Variants in XIRP1 observed in about 807,000 individuals in gnomAD.
The protein encoded by XIRP1 is xin actin-binding repeat-containing protein 1.
For synonymous variants in XIRP1, 984 were observed against 947.0 expected, an observed-to-expected ratio of 1.04 and a Z score of -0.72; for missense variants, 2,378 against 2,345.4, an observed-to-expected ratio of 1.01 and a Z score of -0.29.
In XIRP1 at chr3:39,187,924, C is replaced by T. The variant is rs746485536; in HGVS notation, c.1522G>A (p.Asp508Asn). The T allele has an allele frequency of 6.2e-7, 1 of 1,614,226 alleles. No individual in the cohort carries two copies. The highest frequency in any genetic ancestry group is 1.7e-5 in the Admixed American group (1 of 60,032). The change falls in exon 2 of 2, where the codon GAT becomes AAT. Residue 508 changes from aspartate (D) to asparagine (N), a missense_variant. Asp to Asn is a conservative substitution (Grantham distance 23, BLOSUM62 1). Transcript: ENST00000340369. Reference protein sequence around the residue: ...SVSREQIVGGDVQGYRWMFET... With the variant: ...SVSREQIVGGNVQGYRWMFET... ...AACATCCACCTGTAGCCCTGCACAT[C>T]ACCTCCGACTATCTGCTCTCTGCTA...
chr3:39,187,839 C>T lies in XIRP1; in HGVS notation c.1607G>A (p.Gly536Asp). The T allele has an allele frequency of 1.2e-6, 2 of 1,614,132 alleles. No individual in the cohort carries two copies. Among genetic ancestry groups the T allele is most frequent in the Non-Finnish European group, 1.7e-6 (2 of 1,180,034 alleles). Residue 536 changes from glycine (G) to aspartate (D), a missense_variant, in exon 2 of 2, where the codon GGC becomes GAC. Coordinates refer to ENST00000340369, the MANE Select transcript of XIRP1 (RefSeq NM_194293.4). ...AGCCACCACTTCCTGCCGGGTGATG[C>T]CCCGCACCACGTCGATGGTACTGGG... ...RSPSTIDVVR[G>D]ITRQEVVAGD... is the part of the protein sequence containing the mutation.
chr3:39,190,949 A>C (rs2040078444), intron 1 of XIRP1, among the ~76,000 whole-genome samples: 1 of 152,070 alleles, frequency 6.6e-6, no homozygotes, highest in Non-Finnish European at 1.5e-5. Flanking sequence ...GGGCTCCCCT[A>C]TCCTGCCTCC....
chr3:39,184,725 A>G lies in XIRP1; in HGVS notation c.4721T>C (p.Phe1574Ser). The change falls in exon 2 of 2, where the codon TTC becomes TCC. Residue 1574 changes from phenylalanine (F) to serine (S), a missense_variant. Coordinates refer to ENST00000340369, the MANE Select transcript of XIRP1 (RefSeq NM_194293.4). ...LQPEASARGH[F>S]QGPPKDHSAH... ...ACTGTGGTCTTTTGGAGGTCCCTGGAAATGGCCTCTGGCACTGGCCTCAGG... is the reference window on the plus strand; with the variant it reads ...ACTGTGGTCTTTTGGAGGTCCCTGGGAATGGCCTCTGGCACTGGCCTCAGG... 3 of 1,614,232 alleles carry G rather than the reference A, an allele frequency of 1.9e-6. No homozygotes were observed. Among genetic ancestry groups the G allele is most frequent in the Non-Finnish European group, 2.5e-6 (3 of 1,180,044 alleles).
Position 39,189,156 on chromosome 3 carries a change from A to T in XIRP1, c.290T>A (p.Ile97Asn), listed in dbSNP as rs761124649. 3.1e-6 allele frequency: 5 copies of T among 1,614,054 alleles called. No individual in the cohort carries two copies. The East Asian group carries it at 1.1e-4, about 36-fold the overall frequency. The stretch of plus-strand genomic sequence containing the variant: ...GGCATCCAGTCTCCAGTTCTCAAAG[A>T]TCCAGCGCATGCACTGAACGTCACC... ...TEGDVQCMRW[I>N]FENWRLDAIG... Residue 97 changes from isoleucine (I) to asparagine (N), a missense_variant, in exon 2 of 2, where the codon ATC (isoleucine) becomes AAC (asparagine). Transcript: ENST00000340369.
In XIRP1 at chr3:39,183,635, T is replaced by A. The variant is rs1028597418; in HGVS notation, c.*279A>T. ...GCCAGGCCTGTGTGAAAAACATGTGTGTGTCTGTATATATTACATCCTCCA... is the reference window on the plus strand; with the variant it reads ...GCCAGGCCTGTGTGAAAAACATGTGAGTGTCTGTATATATTACATCCTCCA... On this transcript the variant is annotated 3_prime_UTR_variant, in exon 2 of 2. Transcript: ENST00000340369. 1 of 452,712 alleles carries A rather than the reference T, an allele frequency of 2.2e-6. No individual in the cohort carries two copies. The highest frequency in any genetic ancestry group is 2.0e-5 in the African/African-American group (1 of 49,706). 28.0% of individuals were successfully genotyped at this position (452,712 alleles called of 1,614,324 possible).
At position 39,187,699 on chromosome 3, in the gene XIRP1, G is replaced by T. The variant is rs1009065967; in HGVS notation, c.1747C>A (p.Pro583Thr). ...ACATCGCCCTTTGGGGGTGCCTCAG[G>T]CTGGGGGTCTCCCTGACTCTTCCCT... Reference protein sequence around the residue: ...EEGKSQGDPQPEAPPKGDVQT... With the variant: ...EEGKSQGDPQTEAPPKGDVQT... Residue 583 changes from proline (P) to threonine (T), a missense_variant, in exon 2 of 2, where the codon CCT becomes ACT. Pro to Thr is a conservative substitution (Grantham distance 38, BLOSUM62 -1). Transcript: ENST00000340369. 19 of 1,613,926 alleles carry T rather than the reference G, an allele frequency of 1.2e-5. No homozygotes were observed. The highest frequency in any genetic ancestry group is 1.4e-5 in the Non-Finnish European group (17 of 1,180,050).
In XIRP1 at chr3:39,188,256, A is replaced by T; in HGVS notation, c.1190T>A (p.Val397Asp). 1 of 1,613,940 alleles carries T rather than the reference A, an allele frequency of 6.2e-7. No homozygotes were observed. Among genetic ancestry groups the T allele is most frequent in the South Asian group, 1.1e-5 (1 of 91,068 alleles). ...CACTCGCTGTAGGTGACCCACTTGG[A>T]CCTTGTCTCTGAAAGCATCCAGGGG... ...TKPLDAFRDK[V>D]QVGHLQRVDP... The change falls in exon 2 of 2, where the codon GTC becomes GAC. Residue 397 changes from valine (V) to aspartate (D), a missense_variant. Transcript: ENST00000340369.
rs773443261 is a variant in XIRP1, at chr3:39,186,938, G to A, written c.2508C>T (p.Arg836=). 4 of 1,613,354 alleles carry A rather than the reference G, an allele frequency of 2.5e-6. No individual in the cohort carries two copies. The South Asian group carries it at 3.3e-5, about 13-fold the overall frequency. ...ELPRIICQVL[R]RPDVDQQGLL... is the part of the protein sequence containing the mutation. ...GCCCCTGCTGGTCCACATCTGGCCG[G>A]CGCAGGACTTGGCAGATGATCCTGG... is the stretch of plus-strand genomic sequence containing the variant. Residue 836 remains arginine (R), a synonymous_variant, in exon 2 of 2, where the codon CGC becomes CGT. Transcript: ENST00000340369.
rs145488377 is a variant in XIRP1 at position 39,186,993 on chromosome 3, C to T, written c.2453G>A (p.Arg818Gln). The T allele has an allele frequency of 1.2e-4, 195 of 1,604,244 alleles. No homozygotes were observed. The highest frequency in any genetic ancestry group is 2.7e-4 in the East Asian group (12 of 44,514). The change falls in exon 2 of 2, where the codon CGA becomes CAA. Residue 818 changes from arginine to glutamine, a missense_variant. By Grantham distance (43) the Arg-to-Gln change is conservative. Transcript: ENST00000340369. ...TTCACCTGACACCAGCTCCTCCTTT[C>T]GTATATAAGGGTGCCCCTGCCCTGT... is the stretch of plus-strand genomic sequence containing the variant. ...SGTGQGHPYI[R>Q]KEELVSGELP...
rs1293337352 is a variant in XIRP1, at chr3:39,184,527, G to A, written c.4919C>T (p.Thr1640Ile). The change falls in exon 2 of 2, where the codon ACT becomes ATT. Residue 1640 changes from threonine to isoleucine, a missense_variant. By Grantham distance (89) the Thr-to-Ile change is moderately conservative. Transcript: ENST00000340369. ...CTCCTGCCTCCTGGTGGAAGGGGCA[G>A]TTGAGGCTGTGTGACCTCTGGCCTC... ...HTEARGHTAS[T>I]APSTRRQETS... 1 of 1,613,776 alleles carries A rather than the reference G, an allele frequency of 6.2e-7. No individual in the cohort carries two copies. The highest frequency in any genetic ancestry group is 1.1e-5 in the South Asian group (1 of 91,090).
In XIRP1 at chr3:39,188,324, G is replaced by C. The variant is rs145889819; in HGVS notation, c.1122C>G (p.Val374=). The change falls in exon 2 of 2, where the codon GTC becomes GTG. Residue 374 remains valine, a synonymous_variant. Transcript: ENST00000340369. Reference sequence around the variant, plus strand: ...ACAGGGTGGAGCGGACATCACCAGGGACCACTTCCTCCTTGGGTGGGGCCT... The same window carrying C: ...ACAGGGTGGAGCGGACATCACCAGGCACCACTTCCTCCTTGGGTGGGGCCT... The part of the protein sequence containing the change: ...GAEAPPKEEV[V]PGDVRSTLWL... The C allele has an allele frequency of 6.2e-7, 1 of 1,613,994 alleles. No individual in the cohort carries two copies. Among genetic ancestry groups the C allele is most frequent in the Non-Finnish European group, 8.5e-7 (1 of 1,180,032 alleles).
chr3:39,189,489 C>G lies in XIRP1; in HGVS notation c.-44G>C. The G allele has an allele frequency of 6.5e-7, 1 of 1,536,280 alleles. No homozygotes were observed. Among genetic ancestry groups the G allele is most frequent in the South Asian group, 1.3e-5 (1 of 77,976 alleles). ...CAGAGATGAGGATGGGATTGGGAGC[C>G]TTAGATCTAGATGTTCAGCAGGGTA... is the stretch of plus-strand genomic sequence containing the variant. On this transcript the variant is annotated 5_prime_UTR_variant, in exon 2 of 2. Coordinates refer to ENST00000340369, the MANE Select transcript of XIRP1 (RefSeq NM_194293.4).
At position 39,186,606 on chromosome 3, in the gene XIRP1, T is replaced by A. The variant is rs1373720946; in HGVS notation, c.2840A>T (p.Glu947Val). ...CACTGGACTCGGGTCAGCCGGGGGCTCCCACCGCAGACTGTGCAGGCCACT... is the reference window on the plus strand; with the variant it reads ...CACTGGACTCGGGTCAGCCGGGGGCACCCACCGCAGACTGTGCAGGCCACT... ...DLSGLHSLRWEPPADPSPVPA... is the reference protein window; with the variant it reads ...DLSGLHSLRWVPPADPSPVPA... Residue 947 changes from glutamate to valine, a missense_variant, in exon 2 of 2, where the codon GAG (glutamate) becomes GTG (valine). Coordinates refer to ENST00000340369, the MANE Select transcript of XIRP1 (RefSeq NM_194293.4). 3 of 1,578,564 alleles carry A rather than the reference T, an allele frequency of 1.9e-6. No individual in the cohort carries two copies. Among genetic ancestry groups the A allele is most frequent in the South Asian group, 1.1e-5 (1 of 87,176 alleles).
chr3:39,190,692 T>C (rs2040075503), intron 1 of XIRP1, among the ~76,000 whole-genome samples: 1 of 151,566 alleles, frequency 6.6e-6, no homozygotes, highest in Admixed American at 6.6e-5. Flanking sequence ...TTCTCTGGTC[T>C]CTGTCCATGT....
In XIRP1 at chr3:39,184,946, G is replaced by A. The variant is rs61742554; in HGVS notation, c.4500C>T (p.Ala1500=). The change falls in exon 2 of 2, where the codon GCC becomes GCT. Residue 1500 remains alanine (A), a synonymous_variant. Transcript: ENST00000340369. ...GAGCAGCCCCTCCCAGCTGGGGCAC[G>A]GCCTCAAAGAGCCTCCGCAGGGCCT... ...DVQALRRLFE[A]VPQLGGAAPQ... The A allele has an allele frequency of 9.4e-4, 1,468 of 1,558,992 alleles. 15 individuals are homozygous for A. In the African/African-American group the frequency reaches 0.017, roughly 18 times the overall value.
In XIRP1 at chr3:39,187,280, C is replaced by T. The variant is rs150133594; in HGVS notation, c.2166G>A (p.Ala722=). The change falls in exon 2 of 2, where the codon GCG becomes GCA. Residue 722 remains alanine, a synonymous_variant. Transcript: ENST00000340369. ...GCCAAGTGAACTTGTGGACAGAACCCGCGGGGATGGACCCAGCGATTACCC... is the reference window on the plus strand; with the variant it reads ...GCCAAGTGAACTTGTGGACAGAACCTGCGGGGATGGACCCAGCGATTACCC... The part of the protein sequence containing the change: ...EPRVIAGSIP[A]GSVHKFTWLF... 2.5e-6 allele frequency: 4 copies of T among 1,586,406 alleles called. No individual in the cohort carries two copies. Among genetic ancestry groups the T allele is most frequent in the Middle Eastern group, 1.7e-4 (1 of 5,946 alleles).
chr3:39,186,217 T>TG lies in XIRP1; in HGVS notation c.3228dup (p.Lys1077GlnfsTer34). 4 of 1,613,908 alleles carry TG rather than the reference T, an allele frequency of 2.5e-6. No homozygotes were observed. The highest frequency in any genetic ancestry group is 3.4e-6 in the Non-Finnish European group (4 of 1,179,930). ...GTGGCTGTTGGGGTGGGGCCCTGCT[T>TG]GTGCTTGTTCAGAACTTGCTGGTGC... is the stretch of plus-strand genomic sequence containing the variant. On this transcript the variant is annotated frameshift_variant, in exon 2 of 2. Transcript: ENST00000340369. LOFTEE classifies it low-confidence loss of function (END_TRUNC).
rs756963749 is a variant in XIRP1, at chr3:39,185,118, C to T, written c.4328G>A (p.Gly1443Asp). The T allele has an allele frequency of 5.4e-5, 84 of 1,560,064 alleles. No homozygotes were observed. The highest frequency in any genetic ancestry group is 6.8e-5 in the Non-Finnish European group (78 of 1,155,176). ...TTCCATGGGCTGCTCTCCTGAGGGG[C>T]CGGGGCCCCACTGTGGTGAGGTGGG... ...HDPTSPQWGP[G>D]PSGEQPMEGS... The change falls in exon 2 of 2, where the codon GGC (glycine) becomes GAC (aspartate). Residue 1443 changes from glycine to aspartate, a missense_variant. Gly to Asp is a moderately conservative substitution (Grantham distance 94). Transcript: ENST00000340369.
rs1213015266 is a variant in XIRP1 at position 39,186,201 on chromosome 3, G to A, written c.3245C>T (p.Pro1082Leu). 2 of 1,613,754 alleles carry A rather than the reference G, an allele frequency of 1.2e-6. No homozygotes were observed. The highest frequency in any genetic ancestry group is 3.3e-5 in the Admixed American group (2 of 59,990). ...CTGGATGGGGTTGGAAGTGGCTGTT[G>A]GGGTGGGGCCCTGCTTGTGCTTGTT... ...VLNKHKQGPT[P>L]TATSNPIQDG... is the part of the protein sequence containing the mutation. The change falls in exon 2 of 2, where the codon CCA (proline) becomes CTA (leucine). Residue 1082 changes from proline (P) to leucine (L), a missense_variant. Coordinates refer to ENST00000340369, the MANE Select transcript of XIRP1 (RefSeq NM_194293.4).
Sources: gnomAD v4.1 joint callset for allele counts (sites outside exome capture counted in the v4.1 genomes callset) on GRCh38, gnomAD v4.1.1 for gene constraint, MANE v1.5 for transcripts, NCBI Gene and HGNC (gene_info 2026-07-23, HGNC 2026-07-21) for gene names.